IQCH: variants seen among roughly 807,000 people sequenced by gnomAD.
IQCH encodes IQ domain-containing protein H.
A neutral mutation model predicts 117.0 loss-of-function variants in IQCH; 98 were observed. The ratio of observed to expected loss-of-function variants is 0.84; its 90% CI spans 0.71 to 0.99. The LOEUF is 0.99. IQCH is among the 50% of genes least tolerant of loss of function. The pLI is 0.00. For synonymous variants in IQCH, 412 were observed against 448.2 expected, an observed-to-expected ratio of 0.92 and a Z score of 1.02; for missense variants, 1,102 against 1,243.8, an observed-to-expected ratio of 0.89 and a Z score of 1.72.
intron 8 of IQCH, among the ~76,000 whole-genome samples, chr15:67,371,192 C>G (rs574037275): frequency 6.6e-6 from 1 of 152,222 alleles, no homozygotes; most frequent in East Asian, 1.9e-4. Context: ...TCCCCCAGCC[C>G]CTCCAAGCCA....
At chr15:67,320,576 T>C (rs1177749711) in intron 4 of IQCH, among the ~76,000 whole-genome samples, 1 of 152,196 alleles carries the variant, frequency 6.6e-6, no homozygotes, top group African/African-American at 2.4e-5. Flanking sequence ...CAACAAAGAA[T>C]CATTACATTT....
Position 67,447,317 on chromosome 15 carries a change from G to A in IQCH, c.2506-17810G>A, listed in dbSNP as rs1301106185. The stretch of plus-strand genomic sequence containing the variant: ...AGTCTGTCCTACATGGTAGCTGCAA[G>A]GCAGCTTTCTAAAGATTGCTGCCAT... On this transcript the variant is annotated intron_variant, in intron 16 of 20. Transcript: ENST00000335894. The surrounding 1 kb of genome is among the most constrained non-coding windows in gnomAD (Gnocchi z 5.3). 6.6e-6 allele frequency among the ~76,000 whole-genome samples: 1 copy of A among 152,046 alleles called. No individual in the cohort carries two copies. Among genetic ancestry groups the A allele is most frequent in the East Asian group, 1.9e-4 (1 of 5,186 alleles).
intron 3 of IQCH, among the ~76,000 whole-genome samples, chr15:67,268,646 G>A (rs1219823078): frequency 1.3e-5 from 2 of 152,172 alleles, no homozygotes; most frequent in African/African-American, 4.8e-5. Context: ...GTGAGGGGAA[G>A]AGGTTTTTTG....
chr15:67,254,832 C>G lies in IQCH; in HGVS notation c.-65C>G, dbSNP rs971089843. The G allele has an allele frequency of 1.4e-5, 21 of 1,542,754 alleles. No homozygotes were observed. In the Admixed American group the frequency reaches 3.0e-4, roughly 22 times the overall value. ...GGTGTTGCCATGGGGACGAGCGGCT[C>G]CGGCTGAAGGTTTCCGTGCTTGGAA... On this transcript the variant is annotated 5_prime_UTR_variant, in exon 1 of 21. Transcript: ENST00000335894.
intron 17 of IQCH, among the ~76,000 whole-genome samples, chr15:67,469,287 T>A (rs1437361816): frequency 2.0e-5 from 3 of 152,066 alleles, no homozygotes; most frequent in Non-Finnish European, 2.9e-5. Context: ...ATTTCTAAAA[T>A]AAAGGAGGGC....
At chr15:67,353,268 A>G (rs1363847654) in intron 6 of IQCH, among the ~76,000 whole-genome samples, 1 of 151,908 alleles carries the variant, frequency 6.6e-6, no homozygotes, top group East Asian at 1.9e-4. Flanking sequence ...AAAGGAAATA[A>G]TGAAAATAAA....
chr15:67,492,714 G>A (rs993288514), intron 19 of IQCH, among the ~76,000 whole-genome samples: 7 of 152,142 alleles, frequency 4.6e-5, no homozygotes, highest in African/African-American at 1.7e-4. Flanking sequence ...TGGAATTGAT[G>A]GGATGAGACA....
intron 16 of IQCH, 132 bp downstream of exon 16, chr15:67,421,709 C>A: frequency 2.2e-6 from 2 of 914,116 alleles, no homozygotes; most frequent in Non-Finnish European, 3.3e-6. Flanking sequence ...GCTCTAAATT[C>A]AACACCTATA....
chr15:67,325,642 T>C (rs1596185994), intron 4 of IQCH, among the ~76,000 whole-genome samples: 2 of 152,258 alleles, frequency 1.3e-5, no homozygotes, highest in Admixed American at 1.3e-4. Context: ...TAGTGCATCA[T>C]GAGTCTCTTC....
chr15:67,358,415 C>T (rs1490089355), intron 7 of IQCH, among the ~76,000 whole-genome samples: 1 of 151,400 alleles, frequency 6.6e-6, no homozygotes, highest in African/African-American at 2.4e-5. Context: ...AGGCTGGTCT[C>T]GAACTGCTGG....
rs1194913106 is a variant in IQCH at position 67,356,814 on chromosome 15, A to G, written c.638-531A>G. ...GCCCATTCTTCCTCGACCATGGGCT[A>G]GGTGTGTTCTCTAAAAGTTGTTGCT... On this transcript the variant is annotated intron_variant, in intron 6 of 20. Transcript: ENST00000335894. This position sits in a 1 kb window ranked among gnomAD's most constrained non-coding sequence, Gnocchi z 5.3. Among the ~76,000 whole-genome samples, 1 of 152,298 alleles carries G rather than the reference A, an allele frequency of 6.6e-6. No individual in the cohort carries two copies. The highest frequency in any genetic ancestry group is 1.5e-5 in the Non-Finnish European group (1 of 68,030).
Position 67,342,610 on chromosome 15 carries a change from TATTTA to T in IQCH, c.509-1452_509-1448del, listed in dbSNP as rs1172939906. 1.3e-5 allele frequency among the ~76,000 whole-genome samples: 2 copies of T among 152,176 alleles called. No homozygotes were observed. Among genetic ancestry groups the T allele is most frequent in the Non-Finnish European group, 2.9e-5 (2 of 68,030 alleles). On this transcript the variant is annotated intron_variant, in intron 5 of 20. Coordinates refer to ENST00000335894, the MANE Select transcript of IQCH (RefSeq NM_001031715.3). This position sits in a 1 kb window ranked among gnomAD's most constrained non-coding sequence, Gnocchi z 4.7. ...CAGAGTTCTTGGAAATGAAATTTGA[TATTTA>T]TAGGTGGAAAATATTTGTGAGGACA... is the stretch of plus-strand genomic sequence containing the variant.
chr15:67,399,279 T>A (rs1285894296), intron 13 of IQCH, among the ~76,000 whole-genome samples: 1 of 152,212 alleles, frequency 6.6e-6, no homozygotes, highest in Non-Finnish European at 1.5e-5. Flanking sequence ...AACTAGTAAT[T>A]GTGTCCACCT....
chr15:67,417,171 T>G lies in IQCH; in HGVS notation c.2218+120T>G, dbSNP rs2081598248. The G allele has an allele frequency of 1.3e-6, 1 of 767,908 alleles. No individual in the cohort carries two copies. The highest frequency in any genetic ancestry group is 1.8e-5 in the African/African-American group (1 of 54,984). The allele number at this position is 767,908 out of a possible 1,614,324, so 47.6% of individuals were successfully genotyped here. ...CTCCTGTGTTGGTTTAGAAAAGTGC[T>G]CCTACGGTTTTCTTTTTCAAATGTT... On this transcript the variant is annotated intron_variant, in intron 15 of 20. Coordinates refer to ENST00000335894, the MANE Select transcript of IQCH (RefSeq NM_001031715.3). This position sits in a 1 kb window ranked among gnomAD's most constrained non-coding sequence, Gnocchi z 4.3.
At chr15:67,281,315 G>A (rs1401579389) in intron 4 of IQCH, among the ~76,000 whole-genome samples, 4 of 152,098 alleles carry the variant, frequency 2.6e-5, no homozygotes, top group African/African-American at 9.7e-5. Context: ...GATTAATTAG[G>A]AGAAAAGGCA....
chr15:67,363,981 T>C (rs1970242994), intron 8 of IQCH, among the ~76,000 whole-genome samples: 1 of 152,220 alleles, frequency 6.6e-6, no homozygotes, highest in African/African-American at 2.4e-5. Flanking sequence ...GTTGATTCCA[T>C]GTCTTTGCTA....
rs574040590 is a variant in IQCH at position 67,324,883 on chromosome 15, AT to A, written c.388-12091del. On this transcript the variant is annotated intron_variant, in intron 4 of 20. Transcript: ENST00000335894. ...AGGGGTTTGATTATCATATGCTTGAATGTAGTTTTCTTTGTGTTTATTCTGC... is the reference window on the plus strand; with the variant it reads ...AGGGGTTTGATTATCATATGCTTGAAGTAGTTTTCTTTGTGTTTATTCTGC... Among the ~76,000 whole-genome samples, 97 of 152,010 alleles carry A rather than the reference AT, an allele frequency of 6.4e-4. 1 individual carries two copies. Among genetic ancestry groups the A allele is most frequent in the Admixed American group, 4.3e-3 (66 of 15,270 alleles).
intron 5 of IQCH, among the ~76,000 whole-genome samples, chr15:67,341,271 ACCAGT>A (rs1277855221): frequency 1.3e-5 from 2 of 152,172 alleles, no homozygotes; most frequent in Non-Finnish European, 2.9e-5. Context: ...AAAAAAGCTT[ACCAGT>A]CCAGATATCA....
intron 16 of IQCH, among the ~76,000 whole-genome samples, chr15:67,423,866 A>T (rs74694152): frequency 2.0e-5 from 3 of 146,706 alleles, no homozygotes; most frequent in Non-Finnish European, 4.5e-5. Context: ...AAAAAAAAAA[A>T]AGAAAAGAAA....
Sources: gnomAD v4.1 joint callset for allele counts (sites outside exome capture counted in the v4.1 genomes callset) on GRCh38, gnomAD v4.1.1 for gene constraint, Gnocchi (gnomAD v3.1) non-coding constraint, MANE v1.5 for transcripts, NCBI Gene and HGNC (gene_info 2026-07-23, HGNC 2026-07-21) for gene names.